MSR1: variants seen among roughly 807,000 people sequenced by gnomAD.
MSR1 encodes macrophage scavenger receptor types I and II.
Under a neutral mutation model 47.2 loss-of-function variants are expected in MSR1, and 53 were observed. The observed-to-expected ratio is 1.12, with a 90% CI of 0.90 to 1.41. The LOEUF (loss-of-function observed/expected upper bound fraction) is 1.41. Ranked by LOEUF, MSR1 falls within the 40% of genes most tolerant of loss-of-function variation. The pLI, the probability that MSR1 is intolerant of heterozygous loss-of-function variation, is 0.00. For missense variants in MSR1, 786 were observed against 546.9 expected (o/e 1.44, Z -4.36); for synonymous variants, 239 against 185.6 (o/e 1.29, Z -2.34).
intron 9 of MSR1, among the ~76,000 whole-genome samples, chr8:16,111,273 A>C (rs567080078): frequency 6.6e-6 from 1 of 152,316 alleles, no homozygotes; most frequent in South Asian, 2.1e-4. Context: ...AGGAAGCCGA[A>C]GTACGAGACA....
intron 8 of MSR1, chr8:16,139,582 T>C (rs1371364681): frequency 2.1e-6 from 2 of 974,612 alleles, no homozygotes; most frequent in African/African-American, 3.5e-5. Context: ...AAACCAAAAA[T>C]ATAACATGTA....
At chr8:16,112,669 A>G (rs1012180962) in intron 9 of MSR1, among the ~76,000 whole-genome samples, 32 of 151,982 alleles carry the variant, frequency 2.1e-4, no homozygotes, top group Admixed American at 6.6e-5. Flanking sequence ...ATTTGTTTTT[A>G]TTTCTTTAGA....
rs1001275271 is a variant in MSR1, at chr8:16,115,460, G to A, written c.1222+4958C>T. Among the ~76,000 whole-genome samples, 15 of 152,128 alleles carry A rather than the reference G, an allele frequency of 9.9e-5. No homozygotes were observed. In the East Asian group the frequency reaches 1.9e-3, roughly 20 times the overall value. On this transcript the variant is annotated intron_variant, in intron 9 of 9. Coordinates refer to ENST00000262101, the MANE Select transcript of MSR1 (RefSeq NM_138715.3). ...TTAAATAGCTTTCCATAAAAACCTC[G>A]TTTGCCATGTCTAATCCCCAATCAG... is the stretch of plus-strand genomic sequence containing the variant.
At chr8:16,148,026 C>T (rs959161523) in intron 7 of MSR1, among the ~76,000 whole-genome samples, 7 of 152,108 alleles carry the variant, frequency 4.6e-5, no homozygotes, top group African/African-American at 1.4e-4. Context: ...CCTGGTGATT[C>T]CAACACCTAC....
In MSR1 at chr8:16,157,944, A is replaced by G. The variant is rs1801055985; in HGVS notation, c.818-2800T>C. ...AGGAAATGCAGTAACCTATTCTGTCATATTATGGAAAAAAGAATAAAGACT... is the reference window on the plus strand; with the variant it reads ...AGGAAATGCAGTAACCTATTCTGTCGTATTATGGAAAAAAGAATAAAGACT... On this transcript the variant is annotated intron_variant, in intron 5 of 9. Coordinates refer to ENST00000262101, the MANE Select transcript of MSR1 (RefSeq NM_138715.3). Among the ~76,000 whole-genome samples the G allele has an allele frequency of 2.6e-5, 4 of 152,044 alleles. 1 individual carries two copies. In the South Asian group the frequency reaches 8.3e-4, roughly 32 times the overall value.
At chr8:16,141,148 A>C in intron 8 of MSR1, 1 of 1,300,968 alleles carries the variant, frequency 7.7e-7, no homozygotes, top group South Asian at 1.3e-5. Flanking sequence ...ATAAATTTTC[A>C]CATACCACCA....
intron 8 of MSR1, chr8:16,141,226 T>C (rs1585154487): frequency 1.6e-6 from 1 of 644,644 alleles, no homozygotes; most frequent in African/African-American, 1.8e-5. Flanking sequence ...TTAGCAGCCA[T>C]TTACAATAAT....
chr8:16,146,942 G>T (rs1177914792), intron 7 of MSR1, among the ~76,000 whole-genome samples: 1 of 152,072 alleles, frequency 6.6e-6, no homozygotes, highest in Admixed American at 6.6e-5. Context: ...TTCAGTAAAC[G>T]TGTTGAATTA....
At chr8:16,164,562 C>G (rs897314864) in intron 4 of MSR1, among the ~76,000 whole-genome samples, 2 of 151,674 alleles carry the variant, frequency 1.3e-5, no homozygotes, top group African/African-American at 4.8e-5. Context: ...AAATAAACAC[C>G]ATAAGGTCTT....
chr8:16,189,245 TTAGA>T (rs1341249632), intron 1 of MSR1, among the ~76,000 whole-genome samples: 2 of 136,174 alleles, frequency 1.5e-5, no homozygotes, highest in African/African-American at 5.5e-5. Context: ...TTATATATAT[TTAGA>T]TATAATCTTA....
At chr8:16,135,731 C>T (rs983437809) in intron 8 of MSR1, among the ~76,000 whole-genome samples, 4 of 152,104 alleles carry the variant, frequency 2.6e-5, no homozygotes, top group East Asian at 1.9e-4. Context: ...TTTCACAATC[C>T]TATATGGCAT....
chr8:16,177,724 T>C (rs1007480895), intron 2 of MSR1, among the ~76,000 whole-genome samples, 162 bp downstream of exon 2: 8 of 152,180 alleles, frequency 5.3e-5, no homozygotes, highest in Non-Finnish European at 8.8e-5. Flanking sequence ...CTTACTTTTA[T>C]TTAAGCTTAT....
At position 16,129,407 on chromosome 8, in the gene MSR1, C is replaced by T. The variant is rs1056468702; in HGVS notation, c.1034-8801G>A. Among the ~76,000 whole-genome samples the T allele has an allele frequency of 6.6e-5, 10 of 152,140 alleles. No individual in the cohort carries two copies. In the South Asian group the frequency reaches 2.1e-3, roughly 32 times the overall value. On this transcript the variant is annotated intron_variant, in intron 8 of 9. Coordinates refer to ENST00000262101, the MANE Select transcript of MSR1 (RefSeq NM_138715.3). ...TAATGGGGGAATTTCTTGGAGACTC[C>T]ATGTGAAACAAGCCAACTGTGTCGT...
At chr8:16,139,655 T>C in intron 8 of MSR1, 1 of 973,584 alleles carries the variant, frequency 1.0e-6, no homozygotes, top group Non-Finnish European at 1.2e-6. Flanking sequence ...CAAAATATTT[T>C]TGTTTGAAAT....
chr8:16,140,967 G>A (rs775406499), intron 8 of MSR1: 9 of 1,613,786 alleles, frequency 5.6e-6, no homozygotes, highest in Non-Finnish European at 7.6e-6. Context: ...TTAATGAGAT[G>A]GTAGCAGAGG....
At chr8:16,173,939 G>C (rs567245186) in intron 3 of MSR1, among the ~76,000 whole-genome samples, 1 of 152,028 alleles carries the variant, frequency 6.6e-6, no homozygotes, top group African/African-American at 2.4e-5. Context: ...ATGAGCCACC[G>C]TGCCCAGCTG....
At chr8:16,113,524 G>A (rs1322315819) in intron 9 of MSR1, among the ~76,000 whole-genome samples, 5 of 152,070 alleles carry the variant, frequency 3.3e-5, no homozygotes, top group South Asian at 2.1e-4. Flanking sequence ...AGCCTAGTTG[G>A]GAAGTGTTTT....
chr8:16,135,982 T>C (rs1004809902), intron 8 of MSR1, among the ~76,000 whole-genome samples: 1 of 151,782 alleles, frequency 6.6e-6, no homozygotes, highest in Admixed American at 6.6e-5. Flanking sequence ...TTGCTTCTTA[T>C]GGATGAGCAA....
chr8:16,167,609 C>T (rs34833572), intron 4 of MSR1, among the ~76,000 whole-genome samples: 2,146 of 152,216 alleles, frequency 0.014, 37 homozygotes, highest in Non-Finnish European at 0.023. Flanking sequence ...TAATGCACTG[C>T]CAGAATCAAA....
Sources: allele counts gnomAD v4.1 joint callset (sites outside exome capture counted in the v4.1 genomes callset), GRCh38; gene constraint gnomAD v4.1.1; transcripts MANE v1.5; gene names NCBI Gene and HGNC (gene_info 2026-07-23, HGNC 2026-07-21).